SNAP91: variants seen among roughly 807,000 people sequenced by gnomAD.
SNAP91 encodes synaptosome associated protein 91.
Under a neutral mutation model 100.3 loss-of-function variants are expected in SNAP91, and 27 were observed. That is an observed-to-expected ratio of 0.27 (90% CI 0.20 to 0.37). SNAP91 has a LOEUF of 0.37. Ranked by LOEUF, SNAP91 falls within the 10% of genes least tolerant of loss-of-function variation. The pLI is 1.00. For missense variants in SNAP91, 986 were observed against 1,123.7 expected, an observed-to-expected ratio of 0.88 and a Z score of 1.75; for synonymous variants, 404 against 398.6, an observed-to-expected ratio of 1.01 and a Z score of -0.16.
At chr6:83,603,915 G>C (rs1336495513) in intron 14 of SNAP91, among the ~76,000 whole-genome samples, 1 of 152,104 alleles carries the variant, frequency 6.6e-6, no homozygotes, top group African/African-American at 2.4e-5. Flanking sequence ...AGGCTAAAAT[G>C]TATTCTAATA....
intron 2 of SNAP91, among the ~76,000 whole-genome samples, chr6:83,688,402 C>T (rs1369031320): frequency 6.6e-6 from 1 of 152,084 alleles, no homozygotes; most frequent in Admixed American, 6.6e-5. Context: ...TACAAAGCCC[C>T]AACCTTCCTT....
Position 83,560,961 on chromosome 6 carries a change from C to T in SNAP91, c.2443-14G>A. On this transcript the variant is annotated splice_polypyrimidine_tract_variant and intron_variant, in intron 26 of 29. Coordinates refer to ENST00000369694, the MANE Select transcript of SNAP91 (RefSeq NM_001242792.2). ...TACAGCTCCTTGCTACACAGATAGACAGACATACACATATAAATAACACAA... is the reference window on the plus strand; with the variant it reads ...TACAGCTCCTTGCTACACAGATAGATAGACATACACATATAAATAACACAA... The T allele has an allele frequency of 6.4e-7, 1 of 1,553,224 alleles. No individual in the cohort carries two copies. Among genetic ancestry groups the T allele is most frequent in the East Asian group, 2.3e-5 (1 of 44,030 alleles).
intron 7 of SNAP91, among the ~76,000 whole-genome samples, chr6:83,651,331 C>G (rs2098194827): frequency 6.6e-6 from 1 of 152,046 alleles, no homozygotes; most frequent in Non-Finnish European, 1.5e-5. Flanking sequence ...AAGGTGGAAG[C>G]TTAGGTGACT....
At chr6:83,617,503 A>G (rs1049544939) in intron 9 of SNAP91, among the ~76,000 whole-genome samples, 1 of 151,890 alleles carries the variant, frequency 6.6e-6, no homozygotes, top group African/African-American at 2.4e-5. Flanking sequence ...CCATTTAAAT[A>G]TATTTTAAAA....
At chr6:83,665,365 G>A (rs1228204089) in intron 3 of SNAP91, 74 bp downstream of exon 3, 1 of 1,420,904 alleles carries the variant, frequency 7.0e-7, no homozygotes, top group Non-Finnish European at 9.6e-7. Flanking sequence ...AATTCAAAGA[G>A]CCTTAAATCA....
chr6:83,554,441 A>C (rs1388739425), intron 29 of SNAP91, among the ~76,000 whole-genome samples, 156 bp from the exon 30 acceptor site: 1 of 152,176 alleles, frequency 6.6e-6, no homozygotes, highest in East Asian at 1.9e-4. Flanking sequence ...TACTTTTCAT[A>C]GCTCTTTAAA....
At chr6:83,558,319 C>T (rs3798880) in intron 28 of SNAP91, among the ~76,000 whole-genome samples, 2 of 152,178 alleles carry the variant, frequency 1.3e-5, no homozygotes, top group East Asian at 3.9e-4. Flanking sequence ...AATGAGATCC[C>T]TTAGAATTTA....
intron 26 of SNAP91, among the ~76,000 whole-genome samples, chr6:83,568,981 A>G (rs939086657): frequency 2.6e-5 from 4 of 152,188 alleles, no homozygotes; most frequent in Non-Finnish European, 5.9e-5. Context: ...CAGGGTGTAA[A>G]GGTATGTTGG....
intron 24 of SNAP91, among the ~76,000 whole-genome samples, chr6:83,577,951 T>C (rs1172635311): frequency 6.6e-6 from 1 of 152,196 alleles, no homozygotes; most frequent in East Asian, 1.9e-4. Context: ...GGACATTTCA[T>C]ATAAATGGAA....
intron 2 of SNAP91, among the ~76,000 whole-genome samples, chr6:83,672,844 A>G (rs991601964): frequency 1.3e-5 from 2 of 152,200 alleles, no homozygotes; most frequent in African/African-American, 4.8e-5. Context: ...TTAGGAAAGT[A>G]TCCTCTATTC....
At chr6:83,600,537 G>C (rs945730165) in intron 16 of SNAP91, among the ~76,000 whole-genome samples, 3 of 152,168 alleles carry the variant, frequency 2.0e-5, no homozygotes, top group African/African-American at 7.2e-5. Context: ...CACAGATGGG[G>C]ATACATATAT....
intron 2 of SNAP91, among the ~76,000 whole-genome samples, chr6:83,687,708 A>C (rs563679731): frequency 2.0e-5 from 3 of 152,230 alleles, no homozygotes. Context: ...GGAGAAGGAC[A>C]GAAGCAGAAT....
intron 2 of SNAP91, among the ~76,000 whole-genome samples, chr6:83,668,493 T>C (rs1037968741): frequency 2.0e-5 from 3 of 152,132 alleles, no homozygotes; most frequent in Admixed American, 1.3e-4. Flanking sequence ...CGGAATACTA[T>C]GCAGCCATAA....
intron 5 of SNAP91, among the ~76,000 whole-genome samples, chr6:83,659,707 T>C (rs990874995): frequency 8.5e-5 from 13 of 152,082 alleles, no homozygotes; most frequent in African/African-American, 2.9e-4. Flanking sequence ...GCTGAGACTA[T>C]AGCCATGAGC....
intron 16 of SNAP91, among the ~76,000 whole-genome samples, chr6:83,594,917 T>G (rs2094286953): frequency 6.6e-6 from 1 of 152,202 alleles, no homozygotes; most frequent in Admixed American, 6.5e-5. Flanking sequence ...CATAATATCT[T>G]CTTTAATGCC....
intron 6 of SNAP91, among the ~76,000 whole-genome samples, chr6:83,657,827 C>A (rs1237299486): frequency 6.6e-6 from 1 of 150,840 alleles, no homozygotes; most frequent in Non-Finnish European, 1.5e-5. Context: ...AGTGCAGTGG[C>A]ATGATCTCAG....
intron 8 of SNAP91, among the ~76,000 whole-genome samples, chr6:83,633,897 G>C (rs1400219710): frequency 2.6e-5 from 4 of 151,238 alleles, no homozygotes; most frequent in Non-Finnish European, 4.4e-5. Context: ...TGGCCAAGAG[G>C]CTTCTCAATC....
At chr6:83,560,075 A>T in intron 28 of SNAP91, 29 bp downstream of exon 28, 1 of 1,545,726 alleles carries the variant, frequency 6.5e-7, no homozygotes, top group Non-Finnish European at 8.9e-7. Flanking sequence ...AGTTAATGTC[A>T]CTGATTTGTG....
chr6:83,628,963 C>T (rs1159632320), intron 8 of SNAP91, among the ~76,000 whole-genome samples: 1 of 152,040 alleles, frequency 6.6e-6, no homozygotes, highest in Non-Finnish European at 1.5e-5. Flanking sequence ...AAGGGTTTTT[C>T]CAATGTTATC....
Sources: allele counts gnomAD v4.1 joint callset (sites outside exome capture counted in the v4.1 genomes callset), GRCh38; gene constraint gnomAD v4.1.1; transcripts MANE v1.5; gene names NCBI Gene and HGNC (gene_info 2026-07-23, HGNC 2026-07-21).